Variants in PIEZO1 observed in about 807,000 individuals in gnomAD.
PIEZO1 encodes piezo type mechanosensitive ion channel component 1 (Er blood group).
PIEZO1 carries 296 observed loss-of-function variants against 297.2 expected under a neutral mutation model. The ratio of observed to expected loss-of-function variants is 1.00; its 90% CI spans 0.91 to 1.10. The LOEUF (loss-of-function observed/expected upper bound fraction) is 1.10, where lower values mean the gene tolerates loss of function less well. PIEZO1 is among the 50% of genes least tolerant of loss of function. PIEZO1 has a pLI of 0.00. For synonymous variants in PIEZO1, 2,427 were observed against 1,507.5 expected, an observed-to-expected ratio of 1.61 and a Z score of -14.13; for missense variants, 5,018 against 3,455.5, an observed-to-expected ratio of 1.45 and a Z score of -11.34.
chr16:88,723,157 C>T lies in PIEZO1; in HGVS notation c.4439-6G>A. On this transcript the variant is annotated splice_polypyrimidine_tract_variant and splice_region_variant and intron_variant, in intron 32 of 50. Transcript: ENST00000301015. ...CTCCTGGCTGGGACCACCTCCTGGG[C>T]ACAGGATGCTGGTGAGTGACTGGCA... 1 of 1,549,424 alleles carries T rather than the reference C, an allele frequency of 6.5e-7. No homozygotes were observed. The highest frequency in any genetic ancestry group is 8.7e-7 in the Non-Finnish European group (1 of 1,146,840).
rs183841719 is a variant in PIEZO1 at position 88,755,444 on chromosome 16, C to G, written c.65-5965G>C. Among the ~76,000 whole-genome samples the G allele has an allele frequency of 3.5e-4, 53 of 152,338 alleles. No homozygotes were observed. In the East Asian group the frequency reaches 8.9e-3, roughly 26 times the overall value. On this transcript the variant is annotated intron_variant, in intron 1 of 50. Transcript: ENST00000301015. ...ACAAACCCGGTGCTGCAGCAGGAAT[C>G]TGGCCACCCCACCCGCCACGTTCCC...
chr16:88,781,769 G>A (rs557848236), intron 1 of PIEZO1, among the ~76,000 whole-genome samples: 12 of 152,270 alleles, frequency 7.9e-5, no homozygotes, highest in Non-Finnish European at 1.3e-4. Flanking sequence ...AGTGCCTGCT[G>A]TTCCCCAGCT....
At position 88,723,291 on chromosome 16, in the gene PIEZO1, A is replaced by G. The variant is rs1241972278; in HGVS notation, c.4373T>C (p.Val1458Ala). 17 of 1,540,360 alleles carry G rather than the reference A, an allele frequency of 1.1e-5. No individual in the cohort carries two copies. The Admixed American group carries it at 3.3e-4, about 30-fold the overall frequency. ...YQAWVTNAQA[V>A]LRRRQQEQEQ... ...CTGCTCCTGCTGCCGCCGCCTCAGC[A>G]CCGCCTGGGCGTTGGTCACCCATGC... The change falls in exon 32 of 51, where the codon GTG (valine) becomes GCG (alanine). Residue 1458 changes from valine (V) to alanine (A), a missense_variant. Val to Ala is a moderately conservative substitution (Grantham distance 64). Coordinates refer to ENST00000301015, the MANE Select transcript of PIEZO1 (RefSeq NM_001142864.4).
rs1468422720 is a variant in PIEZO1, at chr16:88,738,689, C to T, written c.513G>A (p.Gln171=). The change falls in exon 6 of 51, where the codon CAG becomes CAA. Residue 171 remains glutamine, a synonymous_variant. Transcript: ENST00000301015. ...GTGTAGGGGCCAGCGTTGCTGCTTC[C>T]TGCAGCCCTGCCGTCGGGCTGGCAT... is the stretch of plus-strand genomic sequence containing the variant. ...DVDASPTAGL[Q]EAATLAPTRR... is the part of the protein sequence containing the mutation. 5.9e-6 allele frequency: 9 copies of T among 1,534,330 alleles called. No individual in the cohort carries two copies. Among genetic ancestry groups the T allele is most frequent in the Non-Finnish European group, 7.0e-6 (8 of 1,145,748 alleles).
chr16:88,737,972 A>T lies in PIEZO1; in HGVS notation c.982T>A (p.Ser328Thr). 6.5e-7 allele frequency: 1 copy of T among 1,533,756 alleles called. No homozygotes were observed. The stretch of plus-strand genomic sequence containing the variant: ...CGGTACGCGCGGAGCTTGCGCAGAG[A>T]GGCCGTGGCGTAGCACAGCAGCAGG... Reference protein sequence around the residue: ...VLLLLCYATASLRKLRAYRPS... With the variant: ...VLLLLCYATATLRKLRAYRPS... Residue 328 changes from serine to threonine, a missense_variant, in exon 8 of 51, where the codon TCT (serine) becomes ACT (threonine). Coordinates refer to ENST00000301015, the MANE Select transcript of PIEZO1 (RefSeq NM_001142864.4).
At position 88,716,237 on chromosome 16, in the gene PIEZO1, T is replaced by G; in HGVS notation, c.7090A>C (p.Asn2364His). The change falls in exon 49 of 51, where the codon AAC (asparagine) becomes CAC (histidine). Residue 2364 changes from asparagine (N) to histidine (H), a missense_variant. Physicochemically the swap from Asn to His is moderately conservative, Grantham distance 68. Transcript: ENST00000301015. ...NLFPKYIRAP[N>H]GPEANPVKQL... ...TTCACAGGGTTGGCTTCGGGCCCGT[T>G]GGGGGCACGGATGTACTTGGGGAAG... The G allele has an allele frequency of 6.7e-7, 1 of 1,496,574 alleles. No individual in the cohort carries two copies. 92.7% of individuals were successfully genotyped at this position (1,496,574 alleles called of 1,614,324 possible). A position where few individuals can be genotyped will look rare whatever the true frequency, so the allele number is the denominator to read the frequency against.
intron 1 of PIEZO1, among the ~76,000 whole-genome samples, chr16:88,761,677 C>T (rs939777538): frequency 6.6e-6 from 1 of 152,022 alleles, no homozygotes. Flanking sequence ...TGCCCCACCC[C>T]ACGCGTGAGA....
At chr16:88,751,964 T>A (rs1311879155) in intron 1 of PIEZO1, among the ~76,000 whole-genome samples, 1 of 152,136 alleles carries the variant, frequency 6.6e-6, no homozygotes, top group African/African-American at 2.4e-5. Context: ...GCAGGGCACC[T>A]TAGTGTGGTG....
In PIEZO1 at chr16:88,784,913, C is replaced by A; in HGVS notation, c.52G>T (p.Ala18Ser). 2.1e-6 allele frequency: 3 copies of A among 1,436,698 alleles called. No homozygotes were observed. The highest frequency in any genetic ancestry group is 1.8e-6 in the Non-Finnish European group (2 of 1,093,174). 89.0% of individuals were successfully genotyped at this position (1,436,698 alleles called of 1,614,324 possible). Residue 18 changes from alanine (A) to serine (S), a missense_variant, in exon 1 of 51, where the codon GCG (alanine) becomes TCG (serine). Ala to Ser is a moderately conservative substitution (Grantham distance 99). Coordinates refer to ENST00000301015, the MANE Select transcript of PIEZO1 (RefSeq NM_001142864.4). ...GCCCCCCACTCACCAGCCAGCAGCGCGCAGGGCAGCAGCAGCCAGTACAGG... is the reference window on the plus strand; with the variant it reads ...GCCCCCCACTCACCAGCCAGCAGCGAGCAGGGCAGCAGCAGCCAGTACAGG... ...AVLYWLLLPC[A>S]LLAACLLRFS...
At chr16:88,718,336 G>A (rs1028318833) in intron 44 of PIEZO1, 1 of 152,852 alleles carries the variant, frequency 6.5e-6, no homozygotes, top group Non-Finnish European at 1.5e-5. Context: ...AGCTCCTCAT[G>A]ATGGAAACCA....
intron 29 of PIEZO1, 40 bp downstream of exon 29, chr16:88,725,375 TG>T: frequency 8.2e-7 from 1 of 1,214,700 alleles, no homozygotes; most frequent in Non-Finnish European, 1.1e-6. Flanking sequence ...ACAGACATGC[TG>T]GACACGGGGC....
In PIEZO1 at chr16:88,726,271, G is replaced by C; in HGVS notation, c.3968+13C>G. The C allele has an allele frequency of 1.9e-6, 3 of 1,542,616 alleles. No individual in the cohort carries two copies. The highest frequency in any genetic ancestry group is 1.7e-6 in the Non-Finnish European group (2 of 1,143,068). ...AGACGGGAGCTCTGGGCTGTGTCTGGGCCCAAGCTTGCCTGGAGGCTAGCA... is the reference window on the plus strand; with the variant it reads ...AGACGGGAGCTCTGGGCTGTGTCTGCGCCCAAGCTTGCCTGGAGGCTAGCA... On this transcript the variant is annotated intron_variant, in intron 27 of 50. Coordinates refer to ENST00000301015, the MANE Select transcript of PIEZO1 (RefSeq NM_001142864.4).
chr16:88,772,717 G>T (rs533748115), intron 1 of PIEZO1, among the ~76,000 whole-genome samples: 1 of 151,504 alleles, frequency 6.6e-6, no homozygotes, highest in South Asian at 2.1e-4. Flanking sequence ...AGGCGAAGGT[G>T]GCAGTGAGCT....
intron 1 of PIEZO1, among the ~76,000 whole-genome samples, chr16:88,778,913 G>A (rs1014920029): frequency 3.3e-5 from 5 of 152,180 alleles, no homozygotes; most frequent in African/African-American, 1.2e-4. Flanking sequence ...AGCTGGGAGA[G>A]AGACCCAGAG....
Position 88,721,942 on chromosome 16 carries a change from T to C in PIEZO1, c.5080A>G (p.Ile1694Val). The change falls in exon 37 of 51, where the codon ATC (isoleucine) becomes GTC (valine). Residue 1694 changes from isoleucine to valine, a missense_variant. By Grantham distance (29) the Ile-to-Val change is conservative. Transcript: ENST00000301015. Reference protein sequence around the residue: ...AAHSELLCYFIIILNHMVTAS... With the variant: ...AAHSELLCYFVIILNHMVTAS... The stretch of plus-strand genomic sequence containing the variant: ...GTGACCATGTGGTTGAGGATGATGA[T>C]GAAGTAGCAGAGCAGCTCCGAGTGG... The C allele has an allele frequency of 3.9e-6, 6 of 1,550,144 alleles. No homozygotes were observed. Among genetic ancestry groups the C allele is most frequent in the Non-Finnish European group, 5.2e-6 (6 of 1,146,820 alleles).
chr16:88,784,500 A>T (rs1414889448), intron 1 of PIEZO1, among the ~76,000 whole-genome samples: 10 of 147,470 alleles, frequency 6.8e-5, no homozygotes, highest in Middle Eastern at 6.9e-3. Context: ...TTTTTTTTTT[A>T]AACCCGAAAG....
At chr16:88,741,293 T>C in intron 5 of PIEZO1, 185 bp downstream of exon 5, 1 of 573,716 alleles carries the variant, frequency 1.7e-6, no homozygotes, top group South Asian at 2.2e-5. Flanking sequence ...TAGAAACAGG[T>C]CTGAACGGAT....
intron 2 of PIEZO1, among the ~76,000 whole-genome samples, chr16:88,748,120 G>A (rs1268179682): frequency 6.6e-6 from 1 of 152,184 alleles, no homozygotes. Context: ...CTCTGCTGGG[G>A]AAGGTCTCTT....
intron 5 of PIEZO1, chr16:88,739,410 C>G (rs1300085339): frequency 6.6e-6 from 1 of 152,314 alleles, no homozygotes; most frequent in Non-Finnish European, 1.5e-5. Context: ...GGAAAGAACA[C>G]GGCTGTCGTC....
Sources: gnomAD v4.1 joint callset for allele counts (sites outside exome capture counted in the v4.1 genomes callset) on GRCh38, gnomAD v4.1.1 for gene constraint, MANE v1.5 for transcripts, NCBI Gene and HGNC (gene_info 2026-07-23, HGNC 2026-07-21) for gene names.